CFAP65: variants seen among roughly 807,000 people sequenced by gnomAD.
CFAP65 encodes cilia- and flagella-associated protein 65.
CFAP65 carries 155 observed loss-of-function variants against 208.0 expected under a neutral mutation model. The ratio of observed to expected loss-of-function variants is 0.75; its 90% confidence interval spans 0.65 to 0.85. The LOEUF (loss-of-function observed/expected upper bound fraction) is 0.85. CFAP65 is among the 40% of genes least tolerant of loss of function. CFAP65 has a pLI of 0.00. For missense variants in CFAP65, 2,294 were observed against 2,451.3 expected (o/e 0.94, Z 1.36); for synonymous variants, 970 against 986.3 (o/e 0.98, Z 0.31).
chr2:219,026,922 A>G, intron 13 of CFAP65: 2 of 986,208 alleles, frequency 2.0e-6, no homozygotes, highest in East Asian at 1.1e-4. Context: ...AGCCTCCTCA[A>G]AAGATCGGAC....
chr2:219,028,921 A>T (rs963564834), intron 11 of CFAP65, among the ~76,000 whole-genome samples: 1 of 152,258 alleles, frequency 6.6e-6, no homozygotes, highest in African/African-American at 2.4e-5. Context: ...GTTACATTTC[A>T]GCCCCGTTTG....
rs953403812 is a variant in CFAP65, at chr2:219,021,822, G to A, written c.3088C>T (p.Leu1030=). 5.0e-6 allele frequency: 8 copies of A among 1,613,696 alleles called. No individual in the cohort carries two copies. The highest frequency in any genetic ancestry group is 5.9e-6 in the Non-Finnish European group (7 of 1,180,028). Reference sequence around the variant, plus strand: ...ACGGCCTCAGGGCTGCCCTGCTCCAGGTAGAGGCGGTAATAGAGGGTGCAG... The same window carrying A: ...ACGGCCTCAGGGCTGCCCTGCTCCAAGTAGAGGCGGTAATAGAGGGTGCAG... ...GNCTLYYRLY[L]EQGSPEAVDN... The change falls in exon 18 of 35, where the codon CTG becomes TTG. Residue 1030 remains leucine (L), a synonymous_variant. Coordinates refer to ENST00000341552, the MANE Select transcript of CFAP65 (RefSeq NM_194302.4).
At chr2:219,017,075 C>T (rs1946941919) in intron 21 of CFAP65, among the ~76,000 whole-genome samples, 1 of 152,234 alleles carries the variant, frequency 6.6e-6, no homozygotes, top group African/African-American at 2.4e-5. Flanking sequence ...ACATATGACC[C>T]CGCAACAGGA....
At chr2:219,026,928 C>G (rs755000669) in intron 13 of CFAP65, 1 of 986,186 alleles carries the variant, frequency 1.0e-6, no homozygotes, top group Admixed American at 6.1e-5. Flanking sequence ...CTCAAAAGAT[C>G]GGACGTGGTC....
At position 219,027,782 on chromosome 2, in the gene CFAP65, G is replaced by C. The variant is rs777794392; in HGVS notation, c.2079C>G (p.Asp693Glu). Reference sequence around the variant, plus strand: ...TCTCTGGAGTCACCCAGAAGGGGCAGTCAGACCTTCGCGTCCAGACCACCA... The same window carrying C: ...TCTCTGGAGTCACCCAGAAGGGGCACTCAGACCTTCGCGTCCAGACCACCA... ...KIMVVWTRRS[D>E]CPFWVTPESC... is the part of the protein sequence containing the mutation. Residue 693 changes from aspartate (D) to glutamate (E), a missense_variant, in exon 13 of 35, where the codon GAC becomes GAG. Physicochemically the swap from Asp to Glu is conservative, Grantham distance 45 (BLOSUM62 2). Transcript: ENST00000341552. The C allele has an allele frequency of 4.3e-5, 70 of 1,613,704 alleles. 2 individuals are homozygous for C. In the South Asian group the frequency reaches 7.4e-4, roughly 17 times the overall value.
At position 219,029,623 on chromosome 2, in the gene CFAP65, A is replaced by T; in HGVS notation, c.1430T>A (p.Val477Asp). Residue 477 changes from valine to aspartate, a missense_variant, in exon 11 of 35, where the codon GTC (valine) becomes GAC (aspartate). Val to Asp is a radical substitution (Grantham distance 152). Coordinates refer to ENST00000341552, the MANE Select transcript of CFAP65 (RefSeq NM_194302.4). ...LQHYCVNFSW[V>D]NLGERSEQPL... ...CTGCTCGGAGCGCTCCCCAAGGTTG[A>T]CCCAGCTGAAGTTGACACAGTAGTG... 3 of 1,614,050 alleles carry T rather than the reference A, an allele frequency of 1.9e-6. No homozygotes were observed. The highest frequency in any genetic ancestry group is 1.7e-5 in the Admixed American group (1 of 60,008).
Position 219,029,526 on chromosome 2 carries a change from G to T in CFAP65, c.1527C>A (p.Val509=), listed in dbSNP as rs781334875. ...TCCCAAAGGCAGGCCTGATGGTAAA[G>T]ACACTCTCCAAGCAGTCGATGGCAA... The part of the protein sequence containing the change: ...FQFAIDCLES[V]FTIRPAFGTL... Residue 509 remains valine (V), a synonymous_variant, in exon 11 of 35, where the codon GTC becomes GTA. Coordinates refer to ENST00000341552, the MANE Select transcript of CFAP65 (RefSeq NM_194302.4). 1 of 1,614,126 alleles carries T rather than the reference G, an allele frequency of 6.2e-7. No individual in the cohort carries two copies. Among genetic ancestry groups the T allele is most frequent in the Non-Finnish European group, 8.5e-7 (1 of 1,180,010 alleles).
intron 21 of CFAP65, among the ~76,000 whole-genome samples, chr2:219,016,963 T>G (rs780776117): frequency 4.6e-5 from 7 of 152,246 alleles, no homozygotes; most frequent in Non-Finnish European, 1.0e-4. Flanking sequence ...TGGAAGGCGC[T>G]TCACAACCTT....
chr2:219,018,933 A>G, intron 21 of CFAP65, 118 bp downstream of exon 21: 2 of 1,395,910 alleles, frequency 1.4e-6, no homozygotes, highest in Non-Finnish European at 1.0e-6. Flanking sequence ...TGTGAGGTCC[A>G]CTCTTCACAG....
In CFAP65 at chr2:219,013,275, G is replaced by A. The variant is rs574700979; in HGVS notation, c.3941C>T (p.Thr1314Met). ...HQFIPIPIGD[T>M]LPPRQIYELY... ...ACCACTGACCTGCCGTGGGGGTAGC[G>A]TGTCACCAATGGGAATGGGGATGAA... The change falls in exon 24 of 35, where the codon ACG becomes ATG. Residue 1314 changes from threonine to methionine, a missense_variant. By Grantham distance (81) the Thr-to-Met change is moderately conservative. Coordinates refer to ENST00000341552, the MANE Select transcript of CFAP65 (RefSeq NM_194302.4). 2.3e-5 allele frequency: 37 copies of A among 1,612,722 alleles called. No homozygotes were observed. Among genetic ancestry groups the A allele is most frequent in the Middle Eastern group, 1.7e-4 (1 of 6,046 alleles).
In CFAP65 at chr2:219,038,492, G is replaced by T. The variant is rs369567960; in HGVS notation, c.240C>A (p.Asn80Lys). 1 of 1,614,050 alleles carries T rather than the reference G, an allele frequency of 6.2e-7. No individual in the cohort carries two copies. Among genetic ancestry groups the T allele is most frequent in the Non-Finnish European group, 8.5e-7 (1 of 1,180,052 alleles). ...CAGAGTTCACGGTGTGGTTCCTGCT[G>T]TTCCTGGACCTCACGACGGAGCTTG... Reference protein sequence around the residue: ...QAPSSVVRSRNSRNHTVNSGG... With the variant: ...QAPSSVVRSRKSRNHTVNSGG... Residue 80 changes from asparagine (N) to lysine (K), a missense_variant, in exon 4 of 35, where the codon AAC becomes AAA. Transcript: ENST00000341552.
chr2:219,039,585 T>C (rs927390299), intron 2 of CFAP65, among the ~76,000 whole-genome samples: 2 of 152,224 alleles, frequency 1.3e-5, no homozygotes, highest in Non-Finnish European at 2.9e-5. Context: ...TCCACATGTG[T>C]ACTTTAAAAC....
intron 4 of CFAP65, 119 bp downstream of exon 4, chr2:219,038,256 T>C (rs1406649585): frequency 1.1e-6 from 1 of 880,238 alleles, no homozygotes; most frequent in Non-Finnish European, 1.8e-6. Flanking sequence ...CAAGGTCTAG[T>C]GCTCAGATGC....
chr2:219,020,134 T>A (rs1366279297), intron 19 of CFAP65, among the ~76,000 whole-genome samples: 2 of 151,682 alleles, frequency 1.3e-5, no homozygotes, highest in Admixed American at 6.6e-5. Context: ...AATAGAAGCC[T>A]AGTACCAATT....
rs200223231 is a variant in CFAP65, at chr2:219,019,067, C to T, written c.3586G>A (p.Val1196Met). 1.2e-6 allele frequency: 2 copies of T among 1,614,252 alleles called. No homozygotes were observed. Among genetic ancestry groups the T allele is most frequent in the East Asian group, 2.2e-5 (1 of 44,892 alleles). The change falls in exon 21 of 35, where the codon GTG becomes ATG. Residue 1196 changes from valine (V) to methionine (M), a missense_variant. Transcript: ENST00000341552. ...VVFLALKNSG[V>M]VSLDWAFLLP... ...AAGCCATACCAGTCCAGGGACACCA[C>T]TCCGCTGTTCTTCAGGGCCAGGAAT...
At position 219,013,976 on chromosome 2, in the gene CFAP65, G is replaced by A. The variant is rs377043331; in HGVS notation, c.3671C>T (p.Ser1224Phe). The A allele has an allele frequency of 5.6e-6, 9 of 1,613,568 alleles. No individual in the cohort carries two copies. The highest frequency in any genetic ancestry group is 1.7e-4 in the Middle Eastern group (1 of 6,054). The change falls in exon 22 of 35, where the codon TCC becomes TTC. Residue 1224 changes from serine (S) to phenylalanine (F), a missense_variant. Ser to Phe is a radical substitution (Grantham distance 155). This residue lies in a region of CFAP65 where 1,427 missense variants were observed against 1,438.7 expected (regional missense o/e 0.99). Coordinates refer to ENST00000341552, the MANE Select transcript of CFAP65 (RefSeq NM_194302.4). ...ELWAEQAELN[S>F]TELHQMRVQD... ...CACGCGCATCTGGTGGAGCTCAGTGGAATTCAACTCTGCTTGCTCTGCCCA... is the reference window on the plus strand; with the variant it reads ...CACGCGCATCTGGTGGAGCTCAGTGAAATTCAACTCTGCTTGCTCTGCCCA...
intron 3 of CFAP65, 139 bp from the exon 4 acceptor site, chr2:219,038,717 T>A: frequency 1.8e-6 from 2 of 1,096,768 alleles, no homozygotes; most frequent in East Asian, 4.7e-5. Flanking sequence ...CCTGGCACCA[T>A]GAGGAATGAG....
chr2:219,037,867 C>T (rs1222645629), intron 4 of CFAP65, among the ~76,000 whole-genome samples: 2 of 152,202 alleles, frequency 1.3e-5, no homozygotes, highest in African/African-American at 4.8e-5. Context: ...TAGTCAAACC[C>T]CTGGACAGCT....
At chr2:219,029,325 C>T (rs1947859004) in intron 11 of CFAP65, 78 bp downstream of exon 11, 1 of 1,525,306 alleles carries the variant, frequency 6.6e-7, no homozygotes, top group South Asian at 1.3e-5. Flanking sequence ...CAGGGAAGTG[C>T]CCACCAAGCC....
Sources: allele counts gnomAD v4.1 joint callset (sites outside exome capture counted in the v4.1 genomes callset), GRCh38; gene constraint gnomAD v4.1.1; regional missense constraint gnomAD v4.1.1; transcripts MANE v1.5; gene names NCBI Gene and HGNC (gene_info 2026-07-23, HGNC 2026-07-21).